Variants in APC observed in about 807,000 individuals in gnomAD.
APC encodes adenomatous polyposis coli protein.
A neutral mutation model predicts 247.0 loss-of-function variants in APC; 72 were observed. That is an observed-to-expected ratio of 0.29 (90% CI 0.24 to 0.35). The LOEUF is 0.35. Among genes scored for constraint, APC ranks in the 10% least tolerant of loss-of-function variants. The pLI is 1.00. For synonymous variants in APC, 1,254 were observed against 1,162.5 expected, an observed-to-expected ratio of 1.08 and a Z score of -1.60; for missense variants, 3,400 against 3,360.7, an observed-to-expected ratio of 1.01 and a Z score of -0.29.
Position 112,835,078 on chromosome 5 carries a change from G to C in APC, c.1871G>C (p.Ser624Thr), listed in dbSNP as rs1463809433. 6.2e-7 allele frequency: 1 copy of C among 1,613,978 alleles called. No individual in the cohort carries two copies. Among genetic ancestry groups the C allele is most frequent in the African/African-American group, 1.3e-5 (1 of 74,904 alleles). ...TTGGTTGGCACTCTTACTTACCGGAGCCAGACAAACACTTTAGCCATTATT... is the reference window on the plus strand; with the variant it reads ...TTGGTTGGCACTCTTACTTACCGGACCCAGACAAACACTTTAGCCATTATT... The part of the protein sequence containing the change: ...AFLVGTLTYR[S>T]QTNTLAIIES... Residue 624 changes from serine to threonine, a missense_variant, in exon 15 of 16, where the codon AGC becomes ACC. Physicochemically the swap from Ser to Thr is moderately conservative, Grantham distance 58. This residue lies in a region of APC where 184 missense variants were observed against 248.0 expected (regional missense o/e 0.74). Coordinates refer to ENST00000257430, the MANE Select transcript of APC (RefSeq NM_000038.6).
chr5:112,732,038 A>T (rs1752127632), intron 1 of APC, among the ~76,000 whole-genome samples: 1 of 152,250 alleles, frequency 6.6e-6, no homozygotes, highest in Non-Finnish European at 1.5e-5. Context: ...CTGGGGTTAC[A>T]GGCATGAGCC....
rs146025587 is a variant in APC, at chr5:112,760,357, A to T, written c.135+5332A>T. 6.1e-3 allele frequency among the ~76,000 whole-genome samples: 925 copies of T among 152,276 alleles called. 7 individuals are homozygous for T. The highest frequency in any genetic ancestry group is 0.01 in the Middle Eastern group (3 of 294). The stretch of plus-strand genomic sequence containing the variant: ...GCAGGAGACTTGGGATAGACTAGAA[A>T]CGCAGAATGTTAGCAGGCGAAGTCC... On this transcript the variant is annotated intron_variant, in intron 2 of 15. Transcript: ENST00000257430.
At position 112,803,846 on chromosome 5, in the gene APC, A is replaced by T. The variant is rs112068009; in HGVS notation, c.834+2463A>T. On this transcript the variant is annotated intron_variant, in intron 8 of 15. Coordinates refer to ENST00000257430, the MANE Select transcript of APC (RefSeq NM_000038.6). The stretch of plus-strand genomic sequence containing the variant: ...CTTCAATTGTTGCCTTTTCTAGTAT[A>T]TCCTTCATATTATAATCAGTTATTC... 5.0e-3 allele frequency among the ~76,000 whole-genome samples: 759 copies of T among 152,272 alleles called. 8 individuals are homozygous for T. The highest frequency in any genetic ancestry group is 0.017 in the African/African-American group (726 of 41,552).
At chr5:112,767,531 A>G (rs1580330396) in intron 4 of APC, 141 bp downstream of exon 4, 5 of 658,992 alleles carry the variant, frequency 7.6e-6, no homozygotes, top group Admixed American at 5.6e-5. Flanking sequence ...CAAAGATAGC[A>G]TGTTATTGAT....
intron 1 of APC, among the ~76,000 whole-genome samples, chr5:112,724,327 G>C (rs1380131521): frequency 1.3e-5 from 2 of 152,092 alleles, no homozygotes; most frequent in African/African-American, 4.8e-5. Context: ...TTGGTACTTT[G>C]GGAGCATGGA....
chr5:112,748,083 C>G (rs906414675), intron 1 of APC, among the ~76,000 whole-genome samples: 1 of 152,136 alleles, frequency 6.6e-6, no homozygotes, highest in Non-Finnish European at 1.5e-5. Context: ...TTATCTGGCC[C>G]TTACAGAAAA....
chr5:112,775,118 T>G (rs939452590), intron 4 of APC, among the ~76,000 whole-genome samples: 2 of 152,160 alleles, frequency 1.3e-5, no homozygotes, highest in Non-Finnish European at 2.9e-5. Context: ...CTAAGAAGTT[T>G]TTCTCCGTCA....
upstream of APC, among the ~76,000 whole-genome samples, chr5:112,734,884 A>G (rs1030324257): frequency 2.0e-5 from 3 of 149,044 alleles, no homozygotes; most frequent in African/African-American, 7.4e-5. Flanking sequence ...CCCACCTCCC[A>G]GGTCCAAGAG....
At chr5:112,794,702 C>A (rs1433599174) in intron 7 of APC, among the ~76,000 whole-genome samples, 1 of 152,130 alleles carries the variant, frequency 6.6e-6, no homozygotes, top group Non-Finnish European at 1.5e-5. Flanking sequence ...CCGACTCCTT[C>A]ACAAGACTGC....
intron 1 of APC, among the ~76,000 whole-genome samples, chr5:112,739,848 A>G (rs1161667018): frequency 1.3e-5 from 2 of 152,242 alleles, no homozygotes; most frequent in African/African-American, 4.8e-5. Flanking sequence ...TTGAGAGTCT[A>G]TAAAACTATT....
intron 5 of APC, among the ~76,000 whole-genome samples, chr5:112,779,476 G>A (rs560265916): frequency 6.6e-6 from 1 of 152,196 alleles, no homozygotes; most frequent in East Asian, 1.9e-4. Context: ...GACATTATCA[G>A]GCACCATTGG....
intron 5 of APC, among the ~76,000 whole-genome samples, chr5:112,779,872 A>T (rs141371913): frequency 6.6e-6 from 1 of 152,186 alleles, no homozygotes; most frequent in African/African-American, 2.4e-5. Context: ...TCTAACTACA[A>T]CTGACAACAC....
Position 112,844,162 on chromosome 5 carries a change from T to C in APC, c.*36T>C, listed in dbSNP as rs2150007344. 6.5e-7 allele frequency: 1 copy of C among 1,540,660 alleles called. No homozygotes were observed. Among genetic ancestry groups the C allele is most frequent in the Non-Finnish European group, 9.0e-7 (1 of 1,115,820 alleles). Reference sequence around the variant, plus strand: ...GAATGAAACTAAGAAAATTCTATGTTAATTACAACTGCTATATAGACATTT... The same window carrying C: ...GAATGAAACTAAGAAAATTCTATGTCAATTACAACTGCTATATAGACATTT... On this transcript the variant is annotated 3_prime_UTR_variant, in exon 16 of 16. Coordinates refer to ENST00000257430, the MANE Select transcript of APC (RefSeq NM_000038.6).
At chr5:112,707,973 C>G (rs556670066) in intron 1 of APC, 2 of 1,225,816 alleles carry the variant, frequency 1.6e-6, no homozygotes, top group African/African-American at 1.5e-5. Flanking sequence ...GTGCTCGGCC[C>G]GACTCTGTGG....
At chr5:112,741,840 A>G (rs1295917396) in intron 1 of APC, among the ~76,000 whole-genome samples, 1 of 151,952 alleles carries the variant, frequency 6.6e-6, no homozygotes. Context: ...GAATTTGACT[A>G]TTCTGGGAAC....
chr5:112,832,452 C>A lies in APC; in HGVS notation c.1744-2499C>A, dbSNP rs34356198. On this transcript the variant is annotated intron_variant, in intron 14 of 15. Coordinates refer to ENST00000257430, the MANE Select transcript of APC (RefSeq NM_000038.6). ...ACTTATGTGACAAATTATGTCTAAA[C>A]CTGCTCCTAGATTGTTTTGTTCACT... 3.3e-5 allele frequency among the ~76,000 whole-genome samples: 5 copies of A among 152,180 alleles called. No homozygotes were observed. The South Asian group carries it at 8.3e-4, about 25-fold the overall frequency.
intron 1 of APC, among the ~76,000 whole-genome samples, chr5:112,715,309 G>A (rs1224331074): frequency 2.0e-5 from 3 of 152,132 alleles, no homozygotes; most frequent in Non-Finnish European, 2.9e-5. Flanking sequence ...GGGGGACATA[G>A]TCAATAAATA....
intron 14 of APC, among the ~76,000 whole-genome samples, chr5:112,831,723 C>T (rs946741498): frequency 6.6e-6 from 1 of 152,202 alleles, no homozygotes; most frequent in Non-Finnish European, 1.5e-5. Flanking sequence ...TGGTCCCTTA[C>T]TCTTGTCTTC....
intron 6 of APC, among the ~76,000 whole-genome samples, chr5:112,784,682 AGAG>A (rs1356907523): frequency 3.0e-4 from 45 of 152,182 alleles, no homozygotes; most frequent in Non-Finnish European, 1.9e-4. Flanking sequence ...CGGCCCTGGA[AGAG>A]GAGATCTCAG....
Sources: gnomAD v4.1 joint callset for allele counts (sites outside exome capture counted in the v4.1 genomes callset) on GRCh38, gnomAD v4.1.1 for gene constraint, gnomAD v4.1.1 regional missense constraint, MANE v1.5 for transcripts, NCBI Gene and HGNC (gene_info 2026-07-23, HGNC 2026-07-21) for gene names.